Variants in BMPR1B observed in about 807,000 individuals in gnomAD.
The protein encoded by BMPR1B is bone morphogenetic protein receptor type 1B.
Under a neutral mutation model 59.1 loss-of-function variants are expected in BMPR1B, and 12 were observed. That is an observed-to-expected ratio of 0.20 (90% CI 0.13 to 0.33). The LOEUF (loss-of-function observed/expected upper bound fraction) is 0.33. Ranked by LOEUF, BMPR1B falls within the 10% of genes least tolerant of loss-of-function variation. BMPR1B has a pLI of 1.00. For synonymous variants in BMPR1B, 237 were observed against 207.3 expected, an observed-to-expected ratio of 1.14 and a Z score of -1.23; for missense variants, 550 against 610.9, an observed-to-expected ratio of 0.90 and a Z score of 1.05.
chr4:94,835,740 A>C (rs1040656406), intron 1 of BMPR1B, among the ~76,000 whole-genome samples: 1 of 152,214 alleles, frequency 6.6e-6, no homozygotes, highest in African/African-American at 2.4e-5. Context: ...CCAGCCATTT[A>C]GGAGTTATCT....
chr4:94,925,098 T>C (rs937289404), intron 2 of BMPR1B, among the ~76,000 whole-genome samples: 2 of 152,090 alleles, frequency 1.3e-5, no homozygotes, highest in African/African-American at 4.8e-5. Context: ...CTGGAACTTA[T>C]GTCTGTGAAA....
At chr4:94,858,080 G>A (rs1447741226) in intron 1 of BMPR1B, among the ~76,000 whole-genome samples, 1 of 151,634 alleles carries the variant, frequency 6.6e-6, no homozygotes, top group African/African-American at 2.4e-5. Flanking sequence ...CGAGTAGCTG[G>A]GACTACAGGT....
chr4:95,081,988 TTTA>T (rs529123933), intron 3 of BMPR1B, among the ~76,000 whole-genome samples: 51 of 151,842 alleles, frequency 3.4e-4, no homozygotes, highest in Non-Finnish European at 6.2e-4. Context: ...ATTATACTTT[TTTA>T]TTATTATTAT....
intron 10 of BMPR1B, 126 bp downstream of exon 10, chr4:95,131,638 G>A: frequency 8.9e-7 from 1 of 1,124,472 alleles, no homozygotes. Flanking sequence ...TTGACGGGGA[G>A]AACCACCAAA....
At chr4:95,137,056 G>A (rs960892610) in intron 10 of BMPR1B, among the ~76,000 whole-genome samples, 3 of 152,096 alleles carry the variant, frequency 2.0e-5, no homozygotes, top group African/African-American at 7.2e-5. Context: ...TTAGTGCTAT[G>A]AATTTCCTTC....
chr4:94,864,351 TA>T (rs994694455), intron 1 of BMPR1B, among the ~76,000 whole-genome samples: 1 of 151,990 alleles, frequency 6.6e-6, no homozygotes, highest in African/African-American at 2.4e-5. Context: ...AGATTAGGAT[TA>T]AAAAAACGCC....
intron 2 of BMPR1B, among the ~76,000 whole-genome samples, chr4:94,905,260 A>G (rs780855433): frequency 6.6e-6 from 1 of 152,020 alleles, no homozygotes; most frequent in Non-Finnish European, 1.5e-5. Context: ...TTTATTTTTC[A>G]CTGGACTGCT....
At chr4:94,806,459 A>G (rs1448492259) in intron 1 of BMPR1B, among the ~76,000 whole-genome samples, 4 of 152,220 alleles carry the variant, frequency 2.6e-5, no homozygotes, top group South Asian at 2.1e-4. Flanking sequence ...TTTGAAGACT[A>G]TTTCCTCAAT....
At chr4:95,074,882 T>C (rs898033764) in intron 3 of BMPR1B, among the ~76,000 whole-genome samples, 1 of 152,144 alleles carries the variant, frequency 6.6e-6, no homozygotes, top group African/African-American at 2.4e-5. Context: ...ACATGCCTGC[T>C]CATGATTATT....
chr4:94,762,094 T>C lies in BMPR1B; in HGVS notation c.-183+4026T>C, dbSNP rs1027137574. On this transcript the variant is annotated intron_variant, in intron 1 of 12. Coordinates refer to ENST00000515059, the MANE Select transcript of BMPR1B (RefSeq NM_001203.3). ...TGGTAAGAAGGGATAATGTATAATT[T>C]ACATCAGGCAATAATTTGTTTTCAT... Among the ~76,000 whole-genome samples the C allele has an allele frequency of 2.0e-5, 3 of 152,344 alleles. No individual in the cohort carries two copies. In the South Asian group the frequency reaches 6.2e-4, roughly 32 times the overall value.
At chr4:95,045,952 T>C (rs969005541) in intron 3 of BMPR1B, among the ~76,000 whole-genome samples, 7 of 152,326 alleles carry the variant, frequency 4.6e-5, no homozygotes, top group African/African-American at 1.7e-4. Flanking sequence ...CAAATTGAAA[T>C]TGGTAGCAAG....
At chr4:95,003,021 T>C (rs1190425732) in intron 3 of BMPR1B, among the ~76,000 whole-genome samples, 1 of 152,076 alleles carries the variant, frequency 6.6e-6, no homozygotes, top group Non-Finnish European at 1.5e-5. Context: ...GGATCTTGAT[T>C]TTTTAAATAT....
chr4:94,989,988 C>T (rs890853904), intron 2 of BMPR1B, among the ~76,000 whole-genome samples: 6 of 152,146 alleles, frequency 3.9e-5, no homozygotes, highest in African/African-American at 1.4e-4. Context: ...AACAGTTGGA[C>T]AGTTCTTTAT....
chr4:94,838,567 C>T (rs1460534883), intron 1 of BMPR1B, among the ~76,000 whole-genome samples: 2 of 137,644 alleles, frequency 1.5e-5, no homozygotes, highest in Non-Finnish European at 3.2e-5. Flanking sequence ...GTAGTATTCT[C>T]TGATGGTAGT....
chr4:94,845,070 G>C (rs13151193), intron 1 of BMPR1B, among the ~76,000 whole-genome samples: 93,175 of 151,840 alleles, frequency 0.61, 29,594 homozygotes, highest in African/African-American at 0.78. Flanking sequence ...GAGCAAAATA[G>C]AGTATCAACA....
rs139686380 is a variant in BMPR1B at position 95,136,018 on chromosome 4, T to C, written c.1076+4506T>C. 7.7e-3 allele frequency among the ~76,000 whole-genome samples: 1,176 copies of C among 152,268 alleles called. 9 individuals are homozygous for C. Among genetic ancestry groups the C allele is most frequent in the Middle Eastern group, 0.014 (4 of 294 alleles). ...ATGGGTTTGTCATAAATAGCTCTTA[T>C]TATTTTGAGATACGTCCCATCAATA... On this transcript the variant is annotated intron_variant, in intron 10 of 12. Coordinates refer to ENST00000515059, the MANE Select transcript of BMPR1B (RefSeq NM_001203.3).
At chr4:95,070,784 T>C (rs879347441) in intron 3 of BMPR1B, among the ~76,000 whole-genome samples, 1 of 152,162 alleles carries the variant, frequency 6.6e-6, no homozygotes, top group Admixed American at 6.5e-5. Flanking sequence ...AAAAGAAAAC[T>C]TTAAGAAATA....
chr4:94,951,206 T>C (rs1729921501), intron 2 of BMPR1B, among the ~76,000 whole-genome samples: 1 of 152,228 alleles, frequency 6.6e-6, no homozygotes, highest in Non-Finnish European at 1.5e-5. Context: ...TATACAATCA[T>C]GTCATCTGCA....
chr4:95,129,774 C>G, intron 8 of BMPR1B, 88 bp from the exon 9 acceptor site: 1 of 1,262,866 alleles, frequency 7.9e-7, no homozygotes, highest in East Asian at 2.4e-5. Context: ...ATTTTACATG[C>G]AGTAATCGTT....
Sources: allele counts gnomAD v4.1 joint callset (sites outside exome capture counted in the v4.1 genomes callset), GRCh38; gene constraint gnomAD v4.1.1; transcripts MANE v1.5; gene names NCBI Gene and HGNC (gene_info 2026-07-23, HGNC 2026-07-21).